Variants in LYPLAL1 observed in about 807,000 individuals in gnomAD.
The protein encoded by LYPLAL1 is lysophospholipase like 1, also known as lysophospholipase-like protein 1.
LYPLAL1 carries 23 observed loss-of-function variants against 19.7 expected under a neutral mutation model. The ratio of observed to expected loss-of-function variants is 1.17; its 90% confidence interval spans 0.84 to 1.65. LYPLAL1 has a LOEUF of 1.65. LYPLAL1 is among the 40% of genes most tolerant of loss of function. LYPLAL1 has a pLI of 0.00. For missense variants in LYPLAL1, 355 were observed against 279.4 expected, an observed-to-expected ratio of 1.27 and a Z score of -1.93; for synonymous variants, 119 against 96.3, an observed-to-expected ratio of 1.24 and a Z score of -1.38.
the LYPLAL1 span, among the ~76,000 whole-genome samples, chr1:219,286,097 C>A: frequency 2.0e-5 from 3 of 152,134 alleles, no homozygotes; most frequent in Non-Finnish European, 4.4e-5. Context: ...CTCTTGGGGA[C>A]TAAATGGCCA....
chr1:219,275,782 A>G, the LYPLAL1 span, among the ~76,000 whole-genome samples: 1 of 152,222 alleles, frequency 6.6e-6, no homozygotes, highest in Non-Finnish European at 1.5e-5. Context: ...ATATGCTAAA[A>G]ACAATATTTA....
the LYPLAL1 span, among the ~76,000 whole-genome samples, chr1:219,403,811 A>G: frequency 4.9e-4 from 74 of 152,296 alleles, no homozygotes; most frequent in African/African-American, 1.3e-3. Context: ...TCAATGAGCC[A>G]TTTATATATA....
chr1:219,381,244 T>G, the LYPLAL1 span, among the ~76,000 whole-genome samples: 1 of 152,228 alleles, frequency 6.6e-6, no homozygotes, highest in Non-Finnish European at 1.5e-5. Flanking sequence ...CTCTCTTGCC[T>G]GCTGCCATGT....
chr1:219,348,400 T>C, the LYPLAL1 span, among the ~76,000 whole-genome samples: 1 of 152,200 alleles, frequency 6.6e-6, no homozygotes, highest in African/African-American at 2.4e-5. Flanking sequence ...GTAAATCTCC[T>C]TCATGGATCA....
the LYPLAL1 span, among the ~76,000 whole-genome samples, chr1:219,279,715 G>T: frequency 6.6e-6 from 1 of 152,126 alleles, no homozygotes. Flanking sequence ...TAGGATGTTT[G>T]TTTAATTGTA....
At chr1:219,375,490 T>TAA in the LYPLAL1 span, among the ~76,000 whole-genome samples, 373 of 37,462 alleles carry the variant, frequency 1.0e-2, 16 homozygotes, top group African/African-American at 0.028. Flanking sequence ...AAACTCCTTC[T>TAA]AAAAAAAAAA....
At chr1:219,268,042 C>T in the LYPLAL1 span, among the ~76,000 whole-genome samples, 12 of 152,104 alleles carry the variant, frequency 7.9e-5, no homozygotes, top group Non-Finnish European at 1.0e-4. Context: ...ATTCATTTTA[C>T]AAATATTTAT....
chr1:219,244,720 C>G, the LYPLAL1 span, among the ~76,000 whole-genome samples: 1 of 151,994 alleles, frequency 6.6e-6, no homozygotes. Flanking sequence ...CCGAAGTAGG[C>G]AGATCACCTG....
chr1:219,432,884 G>A, the LYPLAL1 span, among the ~76,000 whole-genome samples: 36 of 152,202 alleles, frequency 2.4e-4, no homozygotes, highest in East Asian at 3.7e-3. Flanking sequence ...TACTTGCTCC[G>A]GTAAGAGAGA....
chr1:219,260,650 T>C, the LYPLAL1 span, among the ~76,000 whole-genome samples: 27 of 148,478 alleles, frequency 1.8e-4, no homozygotes, highest in Non-Finnish European at 3.7e-4. Context: ...ATAAAATTTA[T>C]AAATTCTATA....
At chr1:219,384,743 G>A in the LYPLAL1 span, among the ~76,000 whole-genome samples, 1 of 152,072 alleles carries the variant, frequency 6.6e-6, no homozygotes, top group Non-Finnish European at 1.5e-5. Context: ...CTGTTTTATT[G>A]TCATAAAATA....
At chr1:219,198,419 T>G (rs1657791307) in intron 3 of LYPLAL1, 1 of 152,090 alleles carries the variant, frequency 6.6e-6, no homozygotes, top group African/African-American at 2.4e-5. Context: ...TTTTAAAGTA[T>G]AGTTTAGAAT....
the LYPLAL1 span, among the ~76,000 whole-genome samples, chr1:219,400,879 G>C: frequency 6.6e-6 from 1 of 152,064 alleles, no homozygotes; most frequent in East Asian, 1.9e-4. Flanking sequence ...TTATTAAAAA[G>C]CATGCTGGAA....
the LYPLAL1 span, among the ~76,000 whole-genome samples, chr1:219,351,983 G>T: frequency 3.3e-4 from 50 of 152,268 alleles, no homozygotes; most frequent in Admixed American, 5.9e-4. Context: ...TCTAATTCTA[G>T]GCACAGCATG....
chr1:219,384,277 A>T, the LYPLAL1 span, among the ~76,000 whole-genome samples: 3 of 152,378 alleles, frequency 2.0e-5, no homozygotes, highest in African/African-American at 7.2e-5. Context: ...TGGGTAAAGG[A>T]AACTGTTGAG....
the LYPLAL1 span, among the ~76,000 whole-genome samples, chr1:219,385,064 G>A: frequency 7.9e-5 from 12 of 152,244 alleles, no homozygotes; most frequent in Admixed American, 2.6e-4. Context: ...TGGTGGTGGG[G>A]GAGGTCAGTA....
At chr1:219,186,301 G>A (rs533628209) in intron 2 of LYPLAL1, among the ~76,000 whole-genome samples, 11 of 151,792 alleles carry the variant, frequency 7.2e-5, no homozygotes, top group African/African-American at 1.2e-4. Context: ...GCATTTCTGC[G>A]TGTCACGTTC....
chr1:219,234,973 G>T, the LYPLAL1 span, among the ~76,000 whole-genome samples: 9 of 151,772 alleles, frequency 5.9e-5, no homozygotes, highest in Admixed American at 5.9e-4. Flanking sequence ...ATAAGAATAT[G>T]ACAACAATCT....
chr1:219,406,562 A>C, the LYPLAL1 span, among the ~76,000 whole-genome samples: 1 of 152,238 alleles, frequency 6.6e-6, no homozygotes, highest in Admixed American at 6.5e-5. Context: ...ACTCTTCAAA[A>C]ATTGAGCTGA....
Sources: allele counts gnomAD v4.1 joint callset (sites outside exome capture counted in the v4.1 genomes callset), GRCh38; gene constraint gnomAD v4.1.1; transcripts MANE v1.5; gene names NCBI Gene and HGNC (gene_info 2026-07-23, HGNC 2026-07-21).